CCDC27: variants seen among roughly 807,000 people sequenced by gnomAD.
CCDC27 encodes coiled-coil domain containing 27.
A neutral mutation model predicts 80.3 loss-of-function variants in CCDC27; 80 were observed. The observed-to-expected ratio is 1.00, with a 90% CI of 0.83 to 1.20. The LOEUF (loss-of-function observed/expected upper bound fraction) is 1.20. Among genes scored for constraint, CCDC27 ranks in the 50% most tolerant of loss-of-function variants. The pLI, the probability that CCDC27 is intolerant of heterozygous loss-of-function variation, is 0.00. For missense variants in CCDC27, 815 were observed against 809.4 expected, an observed-to-expected ratio of 1.01 and a Z score of -0.08; for synonymous variants, 342 against 334.3, an observed-to-expected ratio of 1.02 and a Z score of -0.25.
chr1:3,762,855 G>A, intron 6 of CCDC27, 143 bp downstream of exon 6: 1 of 860,144 alleles, frequency 1.2e-6, no homozygotes, highest in Non-Finnish European at 1.8e-6. Context: ...AGCAGGTGAG[G>A]TGGGTGGGTC....
At chr1:3,765,889 G>A (rs972614828) in intron 8 of CCDC27, among the ~76,000 whole-genome samples, 15 of 146,632 alleles carry the variant, frequency 1.0e-4, no homozygotes, top group South Asian at 4.3e-4. Context: ...TTTTTTCTGA[G>A]ATGGGTTCTC....
chr1:3,757,363 TGAAA>T (rs1012253599), intron 4 of CCDC27, among the ~76,000 whole-genome samples: 9 of 152,150 alleles, frequency 5.9e-5, no homozygotes, highest in South Asian at 2.1e-4. Context: ...CTCATTAAAA[TGAAA>T]GAAAGAAAAG....
chr1:3,764,849 A>G (rs1016443804), intron 8 of CCDC27, among the ~76,000 whole-genome samples: 77 of 152,276 alleles, frequency 5.1e-4, no homozygotes, highest in African/African-American at 1.8e-3. Flanking sequence ...CCGCCTGACC[A>G]ATATGGTGAA....
At chr1:3,762,517 C>T (rs1174471167) in intron 5 of CCDC27, 103 bp from the exon 6 acceptor site, 4 of 906,110 alleles carry the variant, frequency 4.4e-6, no homozygotes, top group East Asian at 5.4e-5. Flanking sequence ...GGTCCCCTCC[C>T]CAGACATGAG....
chr1:3,762,738 C>T lies in CCDC27; in HGVS notation c.954+26C>T, dbSNP rs188919320. The T allele has an allele frequency of 1.1e-4, 173 of 1,541,560 alleles. No individual in the cohort carries two copies. The African/African-American group carries it at 1.8e-3, about 16-fold the overall frequency. ...GTGCGGGCCGCCTGGAGAGCAGGCACGCAGTGGGGGACCCGGGCCCAGGAG... is the reference window on the plus strand; with the variant it reads ...GTGCGGGCCGCCTGGAGAGCAGGCATGCAGTGGGGGACCCGGGCCCAGGAG... On this transcript the variant is annotated intron_variant, in intron 6 of 11. Transcript: ENST00000294600.
At position 3,756,732 on chromosome 1, in the gene CCDC27, G is replaced by A. The variant is rs766398563; in HGVS notation, c.554-1G>A. 1 of 1,613,876 alleles carries A rather than the reference G, an allele frequency of 6.2e-7. No homozygotes were observed. Among genetic ancestry groups the A allele is most frequent in the South Asian group, 1.1e-5 (1 of 91,044 alleles). On this transcript the variant is annotated splice_acceptor_variant, in intron 3 of 11. Transcript: ENST00000294600. LOFTEE classifies it high-confidence loss of function. ...TCACTTGGCCTCCGCTGTCGCCACA[G>A]GGTACCTCCTTCCCTTCAGTAAGAG...
chr1:3,771,301 G>C (rs550646021), intron 11 of CCDC27, 100 bp from the exon 12 acceptor site: 8 of 1,470,358 alleles, frequency 5.4e-6, no homozygotes. Context: ...GAGGAGGAGA[G>C]GGTGGCGTCC....
rs145814300 is a variant in CCDC27 at position 3,768,916 on chromosome 1, G to GA, written c.1744-864dup. Among the ~76,000 whole-genome samples the GA allele has an allele frequency of 3.3e-3, 509 of 152,300 alleles. 1 individual carries two copies. The highest frequency in any genetic ancestry group is 0.012 in the African/African-American group (492 of 41,574). On this transcript the variant is annotated intron_variant, in intron 10 of 11. Transcript: ENST00000294600. The surrounding 1 kb of genome is among the most constrained non-coding windows in gnomAD (Gnocchi z 5.6). ...GCGCTCAATAAATACTGGAAAGAAG[G>GA]AAAGGATTCCACTCCTCACACAGGC...
Position 3,761,183 on chromosome 1 carries a change from G to A in CCDC27, c.712-98G>A, listed in dbSNP as rs1001905833. The stretch of plus-strand genomic sequence containing the variant: ...GGACCCTGGGGTTTTGGGGTACCAC[G>A]ACAGCAGATCTGCTCCTCCTGGGTG... On this transcript the variant is annotated intron_variant, in intron 4 of 11. Transcript: ENST00000294600. This position sits in a 1 kb window ranked among gnomAD's most constrained non-coding sequence, Gnocchi z 5.0. 12 of 1,453,170 alleles carry A rather than the reference G, an allele frequency of 8.3e-6. No homozygotes were observed. Among genetic ancestry groups the A allele is most frequent in the South Asian group, 2.6e-5 (2 of 76,108 alleles). 90.0% of individuals were successfully genotyped at this position (1,453,170 alleles called of 1,614,324 possible).
In CCDC27 at chr1:3,763,478, G is replaced by A. The variant is rs1169451208; in HGVS notation, c.1321+4G>A. ...ACCAGATACTCCCTTGCAACAGGTA[G>A]GGCCTCGGCGGGGGGCACTGGGCTT... is the stretch of plus-strand genomic sequence containing the variant. On this transcript the variant is annotated splice_donor_region_variant and intron_variant, in intron 7 of 11. Coordinates refer to ENST00000294600, the MANE Select transcript of CCDC27 (RefSeq NM_152492.3). The surrounding 1 kb of genome is among the most constrained non-coding windows in gnomAD (Gnocchi z 7.5). 1 of 1,583,684 alleles carries A rather than the reference G, an allele frequency of 6.3e-7. No individual in the cohort carries two copies.
Position 3,763,412 on chromosome 1 carries a change from A to C in CCDC27, c.1259A>C (p.Gln420Pro). The C allele has an allele frequency of 6.2e-7, 1 of 1,612,410 alleles. No homozygotes were observed. Among genetic ancestry groups the C allele is most frequent in the South Asian group, 1.1e-5 (1 of 90,990 alleles). ...CTGGCCCAGCTGGAGGAGTACGAGC[A>C]GGTCATCCTGGACTTCCAGTTCAAC... The part of the protein sequence containing the change: ...ELLAQLEEYE[Q>P]VILDFQFNLE... The change falls in exon 7 of 12, where the codon CAG (glutamine) becomes CCG (proline). Residue 420 changes from glutamine (Q) to proline (P), a missense_variant. By Grantham distance (76) the Gln-to-Pro change is moderately conservative (BLOSUM62 -1). Coordinates refer to ENST00000294600, the MANE Select transcript of CCDC27 (RefSeq NM_152492.3). The surrounding 1 kb of genome is among the most constrained non-coding windows in gnomAD (Gnocchi z 7.5).
chr1:3,756,861 C>A lies in CCDC27; in HGVS notation c.682C>A (p.Pro228Thr). The change falls in exon 4 of 12, where the codon CCC becomes ACC. Residue 228 changes from proline (P) to threonine (T), a missense_variant. Physicochemically the swap from Pro to Thr is conservative, Grantham distance 38. Coordinates refer to ENST00000294600, the MANE Select transcript of CCDC27 (RefSeq NM_152492.3). ...TCAGAGCTGCCTGAGAAAGAGGATGCCCTGGTACCTCTCAGTCATCCACGA... is the reference window on the plus strand; with the variant it reads ...TCAGAGCTGCCTGAGAAAGAGGATGACCTGGTACCTCTCAGTCATCCACGA... ...ASQSCLRKRM[P>T]WYLSVIHEKD... The A allele has an allele frequency of 6.2e-7, 1 of 1,613,496 alleles. No individual in the cohort carries two copies.
rs186585328 is a variant in CCDC27, at chr1:3,768,730, C to A, written c.1744-1053C>A. On this transcript the variant is annotated intron_variant, in intron 10 of 11. Coordinates refer to ENST00000294600, the MANE Select transcript of CCDC27 (RefSeq NM_152492.3). The surrounding 1 kb of genome is among the most constrained non-coding windows in gnomAD (Gnocchi z 5.6). ...CTAAGTCCGGGTGAGCAGGAACTAGCGCCAAGCCTGATGGTGAGGCCCCAC... is the reference window on the plus strand; with the variant it reads ...CTAAGTCCGGGTGAGCAGGAACTAGAGCCAAGCCTGATGGTGAGGCCCCAC... Among the ~76,000 whole-genome samples, 2 of 152,258 alleles carry A rather than the reference C, an allele frequency of 1.3e-5. No homozygotes were observed. The highest frequency in any genetic ancestry group is 2.9e-5 in the Non-Finnish European group (2 of 68,014).
intron 8 of CCDC27, among the ~76,000 whole-genome samples, chr1:3,764,090 C>G (rs755412401): frequency 2.0e-5 from 3 of 152,190 alleles, no homozygotes; most frequent in Non-Finnish European, 4.4e-5. Flanking sequence ...GCAAGTGTCC[C>G]TGTCTCCTGA....
At position 3,763,531 on chromosome 1, in the gene CCDC27, A is replaced by G; in HGVS notation, c.1321+57A>G. On this transcript the variant is annotated intron_variant, in intron 7 of 11. Coordinates refer to ENST00000294600, the MANE Select transcript of CCDC27 (RefSeq NM_152492.3). The surrounding 1 kb of genome is among the most constrained non-coding windows in gnomAD (Gnocchi z 7.5). ...GCCACTCAGTGGTTCCCGGCCCAGG[A>G]GCTGGGACGCCCAGACGCTGCCTGC... The G allele has an allele frequency of 6.5e-7, 1 of 1,549,602 alleles. No individual in the cohort carries two copies. The highest frequency in any genetic ancestry group is 8.7e-7 in the Non-Finnish European group (1 of 1,147,476).
chr1:3,759,149 G>A (rs1169066527), intron 4 of CCDC27, among the ~76,000 whole-genome samples: 2 of 151,974 alleles, frequency 1.3e-5, no homozygotes, highest in Non-Finnish European at 2.9e-5. Flanking sequence ...TCCAGGAGGC[G>A]GAGGTTTCAG....
intron 5 of CCDC27, 36 bp from the exon 6 acceptor site, chr1:3,762,584 G>A (rs995574982): frequency 3.3e-6 from 5 of 1,526,222 alleles, no homozygotes; most frequent in African/African-American, 1.4e-5. Flanking sequence ...CTGCAGGAGG[G>A]GCTGGAAAGC....
At position 3,752,460 on chromosome 1, in the gene CCDC27, C is replaced by G; in HGVS notation, c.-22C>G. 5.0e-6 allele frequency: 8 copies of G among 1,611,182 alleles called. No individual in the cohort carries two copies. Among genetic ancestry groups the G allele is most frequent in the Non-Finnish European group, 6.8e-6 (8 of 1,178,250 alleles). On this transcript the variant is annotated 5_prime_UTR_variant, in exon 1 of 12. Transcript: ENST00000294600. ...GGAGCTCTGGAAGCTGATCTCCTCC[C>G]ACTGCACCAGCCAGCAGGTTCATGT...
At chr1:3,754,399 G>T (rs1469923830) in intron 2 of CCDC27, among the ~76,000 whole-genome samples, 158 bp downstream of exon 2, 1 of 152,278 alleles carries the variant, frequency 6.6e-6, no homozygotes, top group East Asian at 1.9e-4. Context: ...TGCTCAGGGA[G>T]CCAGGGCAGC....
Sources: gnomAD v4.1 joint callset for allele counts (sites outside exome capture counted in the v4.1 genomes callset) on GRCh38, gnomAD v4.1.1 for gene constraint, Gnocchi (gnomAD v3.1) non-coding constraint, MANE v1.5 for transcripts, NCBI Gene and HGNC (gene_info 2026-07-23, HGNC 2026-07-21) for gene names.